Variants in ADGRE3 observed in about 807,000 individuals in gnomAD.
The protein encoded by ADGRE3 is EGF-like module receptor 3.
Under a neutral mutation model 80.1 loss-of-function variants are expected in ADGRE3, and 88 were observed. The observed-to-expected ratio is 1.10, with a 90% CI of 0.93 to 1.31. The LOEUF (loss-of-function observed/expected upper bound fraction) is 1.31. ADGRE3 is among the 40% of genes most tolerant of loss of function. The probability of loss-of-function intolerance (pLI) is 0.00; values close to 1 mark genes in which losing one functional copy is unlikely to be tolerated. For missense variants in ADGRE3, 715 were observed against 776.5 expected (o/e 0.92, Z 0.94); for synonymous variants, 281 against 294.8 (o/e 0.95, Z 0.48).
rs191724395 is a variant in ADGRE3 at position 14,658,936 on chromosome 19, C to T, written c.356-386G>A. ...TTTTAGTAGAGATGGGGTTTCACCA[C>T]GTTGGCCAGGCTGATCTCAAACTCT... On this transcript the variant is annotated intron_variant, in intron 4 of 15. Transcript: ENST00000253673. Among the ~76,000 whole-genome samples, 302 of 151,722 alleles carry T rather than the reference C, an allele frequency of 2.0e-3. 4 individuals carry two copies. Among genetic ancestry groups the T allele is most frequent in the Non-Finnish European group, 3.2e-4 (22 of 67,860 alleles).
In ADGRE3 at chr19:14,674,602, C is replaced by T; in HGVS notation, c.25+144G>A. 5.5e-6 allele frequency: 4 copies of T among 722,072 alleles called. No homozygotes were observed. The South Asian group carries it at 6.3e-5, about 11-fold the overall frequency. The allele number at this position is 722,072 out of a possible 1,614,324, so 44.7% of individuals were successfully genotyped here. ...GAGAGCATACTTTGAATAGGGTAGT[C>T]AGGAAGGAAACCACACTCCAAAGGG... On this transcript the variant is annotated intron_variant, in intron 1 of 15. Coordinates refer to ENST00000253673, the MANE Select transcript of ADGRE3 (RefSeq NM_032571.5).
At chr19:14,648,920 T>C (rs745663809) in intron 7 of ADGRE3, among the ~76,000 whole-genome samples, 2 of 152,038 alleles carry the variant, frequency 1.3e-5, no homozygotes, top group Non-Finnish European at 2.9e-5. Context: ...TCCCTCCTCA[T>C]CTCTTTCTTT....
intron 1 of ADGRE3, among the ~76,000 whole-genome samples, chr19:14,673,450 G>A (rs979265799): frequency 1.3e-5 from 2 of 152,210 alleles, no homozygotes; most frequent in African/African-American, 2.4e-5. Context: ...GGTGGTTGAA[G>A]CCATGGAATT....
chr19:14,652,600 T>G (rs1971637358), intron 6 of ADGRE3, among the ~76,000 whole-genome samples: 1 of 151,646 alleles, frequency 6.6e-6, no homozygotes, highest in Admixed American at 6.6e-5. Flanking sequence ...GCCAACATGG[T>G]GAAATCCCAT....
intron 2 of ADGRE3, among the ~76,000 whole-genome samples, chr19:14,668,460 G>A (rs1972163237): frequency 6.6e-6 from 1 of 151,984 alleles, no homozygotes; most frequent in Non-Finnish European, 1.5e-5. Context: ...TGGTTGACTT[G>A]TTTATAATCA....
chr19:14,645,404 A>G (rs1971370327), intron 8 of ADGRE3, among the ~76,000 whole-genome samples: 1 of 152,168 alleles, frequency 6.6e-6, no homozygotes, highest in Non-Finnish European at 1.5e-5. Flanking sequence ...CATGACTGTA[A>G]TCCCAGCACT....
At chr19:14,600,594 T>G in the ADGRE3 span, among the ~76,000 whole-genome samples, 3 of 151,988 alleles carry the variant, frequency 2.0e-5, no homozygotes, top group African/African-American at 7.3e-5. Context: ...TTTCTTTTTT[T>G]TTTTTGAGAT....
chr19:14,644,323 T>C (rs1175332004), intron 8 of ADGRE3, 48 bp from the exon 9 acceptor site: 3 of 1,347,858 alleles, frequency 2.2e-6, no homozygotes, highest in East Asian at 5.5e-5. Context: ...CTTTCTTTCT[T>C]TCTTTTTTTT....
chr19:14,674,654 G>T (rs1469826365), intron 1 of ADGRE3, 92 bp downstream of exon 1: 1 of 1,314,348 alleles, frequency 7.6e-7, no homozygotes, highest in African/African-American at 1.4e-5. Flanking sequence ...CAGAGCAGAA[G>T]AAAGAGGAGG....
At chr19:14,653,241 G>C (rs10422474) in intron 6 of ADGRE3, among the ~76,000 whole-genome samples, 8 of 152,052 alleles carry the variant, frequency 5.3e-5, no homozygotes, top group Non-Finnish European at 1.0e-4. Context: ...GCCTCCAAAA[G>C]TGCTAGGATT....
intron 8 of ADGRE3, among the ~76,000 whole-genome samples, chr19:14,646,777 T>C (rs1439981898): frequency 6.6e-6 from 1 of 150,468 alleles, no homozygotes; most frequent in East Asian, 2.0e-4. Context: ...CCTTACTGTT[T>C]TTCTTCTTCT....
At chr19:14,668,398 G>A (rs967039544) in intron 2 of ADGRE3, among the ~76,000 whole-genome samples, 3 of 151,848 alleles carry the variant, frequency 2.0e-5, no homozygotes, top group Non-Finnish European at 2.9e-5. Flanking sequence ...TGTGAATCTA[G>A]AGAGAGAGTC....
the ADGRE3 span, chr19:14,610,394 T>A: frequency 1.5e-6 from 1 of 660,086 alleles, no homozygotes; most frequent in Non-Finnish European, 2.5e-6. Flanking sequence ...CTTGCCCTAG[T>A]AGATGGTGAG....
chr19:14,629,612 C>T (rs1490982342), intron 14 of ADGRE3, among the ~76,000 whole-genome samples: 1 of 152,094 alleles, frequency 6.6e-6, no homozygotes, highest in Non-Finnish European at 1.5e-5. Context: ...CAGGATGAGT[C>T]ACAAGGAGCA....
chr19:14,620,076 A>G (rs1970495092), intron 15 of ADGRE3, among the ~76,000 whole-genome samples: 1 of 152,174 alleles, frequency 6.6e-6, no homozygotes, highest in African/African-American at 2.4e-5. Flanking sequence ...CATAGGCAAC[A>G]TTGCCTGGCG....
chr19:14,604,607 A>G, the ADGRE3 span, among the ~76,000 whole-genome samples: 2 of 152,178 alleles, frequency 1.3e-5, no homozygotes, highest in South Asian at 4.1e-4. Context: ...TACTAAAAAT[A>G]CAAAAATGAG....
rs909536729 is a variant in ADGRE3 at position 14,641,604 on chromosome 19, C to T, written c.1063G>A (p.Val355Met). Reference sequence around the variant, plus strand: ...CCCACGTAGGTGATGACAGTCAGCACGGGATCCTCCTCCTGGGACCGAGAA... The same window carrying T: ...CCCACGTAGGTGATGACAGTCAGCATGGGATCCTCCTCCTGGGACCGAGAA... Reference protein sequence around the residue: ...MALTSQEEDPVLTVITYVGLS... With the variant: ...MALTSQEEDPMLTVITYVGLS... Residue 355 changes from valine (V) to methionine (M), a missense_variant, in exon 10 of 16, where the codon GTG becomes ATG. By Grantham distance (21) the Val-to-Met change is conservative. Coordinates refer to ENST00000253673, the MANE Select transcript of ADGRE3 (RefSeq NM_032571.5). The T allele has an allele frequency of 1.1e-5, 18 of 1,614,102 alleles. No individual in the cohort carries two copies. The highest frequency in any genetic ancestry group is 4.5e-5 in the East Asian group (2 of 44,866).
chr19:14,669,496 T>C (rs1364865005), intron 1 of ADGRE3, among the ~76,000 whole-genome samples: 1 of 152,070 alleles, frequency 6.6e-6, no homozygotes, highest in Non-Finnish European at 1.5e-5. Flanking sequence ...TATTATTTTT[T>C]TTCTTTTTTT....
chr19:14,615,623 G>T (rs972456906), downstream of ADGRE3, among the ~76,000 whole-genome samples: 1 of 151,412 alleles, frequency 6.6e-6, no homozygotes, highest in South Asian at 2.1e-4. Context: ...TTAGCCGGGC[G>T]TGGTGGTGCG....
Sources: allele counts gnomAD v4.1 joint callset (sites outside exome capture counted in the v4.1 genomes callset), GRCh38; gene constraint gnomAD v4.1.1; transcripts MANE v1.5; gene names NCBI Gene and HGNC (gene_info 2026-07-23, HGNC 2026-07-21).